PTPRA: variants seen among roughly 807,000 people sequenced by gnomAD.
The protein encoded by PTPRA is protein tyrosine phosphatase receptor type A.
In PTPRA, 25 loss-of-function variants were observed where a neutral mutation model predicts 104.8. The ratio of observed to expected loss-of-function variants is 0.24; its 90% CI spans 0.17 to 0.33. The LOEUF (loss-of-function observed/expected upper bound fraction) is 0.33, where lower values mean the gene tolerates loss of function less well. Among genes scored for constraint, PTPRA ranks in the 10% least tolerant of loss-of-function variants. The pLI is 1.00. For missense variants in PTPRA, 765 were observed against 1,015.3 expected, an observed-to-expected ratio of 0.75 and a Z score of 3.35; for synonymous variants, 323 against 368.9, an observed-to-expected ratio of 0.88 and a Z score of 1.43.
the PTPRA span, chr20:2,866,234 A>G: frequency 6.2e-7 from 1 of 1,613,904 alleles, no homozygotes; most frequent in South Asian, 1.1e-5. Context: ...ATCTGCATGA[A>G]ACAACATAAC....
chr20:2,941,950 A>G (rs2060940386), intron 2 of PTPRA, among the ~76,000 whole-genome samples: 1 of 151,762 alleles, frequency 6.6e-6, no homozygotes. Context: ...CACTTCTCCT[A>G]TTTGTCTGTG....
At chr20:2,935,938 G>C (rs371281545) in intron 2 of PTPRA, among the ~76,000 whole-genome samples, 7 of 152,042 alleles carry the variant, frequency 4.6e-5, no homozygotes, top group African/African-American at 1.7e-4. Flanking sequence ...AGAATCACTT[G>C]AACCCGGGAG....
intron 1 of PTPRA, among the ~76,000 whole-genome samples, chr20:2,909,799 AATAT>A (rs1481548997): frequency 1.5e-5 from 2 of 134,626 alleles, no homozygotes; most frequent in Non-Finnish European, 3.1e-5. Flanking sequence ...TATATTAGAT[AATAT>A]ATATAATATA....
At chr20:2,969,021 G>A (rs749558802) in intron 5 of PTPRA, among the ~76,000 whole-genome samples, 4 of 152,028 alleles carry the variant, frequency 2.6e-5, no homozygotes, top group African/African-American at 7.2e-5. Context: ...CAGCCTAGCC[G>A]ACATGGCAAA....
intron 6 of PTPRA, among the ~76,000 whole-genome samples, chr20:2,976,798 T>C (rs1295961892): frequency 6.6e-6 from 1 of 152,250 alleles, no homozygotes; most frequent in Admixed American, 6.5e-5. Context: ...ATCGGTTTGA[T>C]AAGCAGTTAT....
chr20:2,978,086 T>C (rs1205928388), intron 6 of PTPRA, among the ~76,000 whole-genome samples: 1 of 152,004 alleles, frequency 6.6e-6, no homozygotes, highest in Non-Finnish European at 1.5e-5. Flanking sequence ...TTGACATGTG[T>C]GAGGTGTGGG....
At chr20:2,945,255 T>G (rs1259519598) in intron 2 of PTPRA, among the ~76,000 whole-genome samples, 1 of 152,238 alleles carries the variant, frequency 6.6e-6, no homozygotes, top group African/African-American at 2.4e-5. Flanking sequence ...TGTTTCTTAC[T>G]GATTCTCATG....
intron 9 of PTPRA, among the ~76,000 whole-genome samples, chr20:3,001,254 A>T (rs1475581795): frequency 6.6e-6 from 1 of 152,172 alleles, no homozygotes; most frequent in African/African-American, 2.4e-5. Context: ...GAACCTTTGC[A>T]TCTAGCGCTG....
At chr20:2,891,939 T>C (rs2058808434) in intron 1 of PTPRA, among the ~76,000 whole-genome samples, 1 of 152,172 alleles carries the variant, frequency 6.6e-6, no homozygotes, top group South Asian at 2.1e-4. Context: ...TTGTTTCTTA[T>C]TTTATGGTTT....
chr20:3,036,875 A>T (rs559230587), intron 22 of PTPRA, among the ~76,000 whole-genome samples: 1 of 152,358 alleles, frequency 6.6e-6, no homozygotes, highest in Admixed American at 6.5e-5. Context: ...CTAGGCCAGC[A>T]TGTGCAGGTG....
chr20:2,989,833 C>A (rs530033420), intron 9 of PTPRA, among the ~76,000 whole-genome samples: 4 of 151,936 alleles, frequency 2.6e-5, no homozygotes, highest in African/African-American at 4.8e-5. Context: ...CTGGCTAACA[C>A]AGTGAAACCC....
At chr20:3,027,049 G>GGTT (rs755708702) in intron 18 of PTPRA, 72 bp from the exon 19 acceptor site, 8 of 1,390,812 alleles carry the variant, frequency 5.8e-6, no homozygotes, top group African/African-American at 2.5e-5. Flanking sequence ...CAGGGCCTGA[G>GGTT]GTGGGAGCAA....
intron 11 of PTPRA, among the ~76,000 whole-genome samples, chr20:3,014,344 A>C (rs911063487): frequency 3.9e-5 from 6 of 152,190 alleles, no homozygotes; most frequent in African/African-American, 1.4e-4. Context: ...TGAAATTGAA[A>C]GTGGCTCCTC....
intron 2 of PTPRA, among the ~76,000 whole-genome samples, chr20:2,926,769 C>CTTTTTTTTT (rs777386962): frequency 1.2e-5 from 1 of 85,020 alleles, no homozygotes; most frequent in Admixed American, 1.6e-4. Context: ...TTTCCTTTTC[C>CTTTTTTTTT]TTTTTTTTTT....
chr20:3,022,932 A>G lies in PTPRA; in HGVS notation c.1464+108A>G. 6.7e-7 allele frequency: 1 copy of G among 1,494,852 alleles called. No homozygotes were observed. Among genetic ancestry groups the G allele is most frequent in the Non-Finnish European group, 9.0e-7 (1 of 1,105,774 alleles). The allele number at this position is 1,494,852 out of a possible 1,614,324, so 92.6% of individuals were successfully genotyped here. A position where few individuals can be genotyped will look rare whatever the true frequency, so the allele number is the denominator to read the frequency against. Reference sequence around the variant, plus strand: ...AGGTTATTGTAAATGATTACTATAGAGTGTGATTGTGGGGGAAAGAAAGAT... The same window carrying G: ...AGGTTATTGTAAATGATTACTATAGGGTGTGATTGTGGGGGAAAGAAAGAT... On this transcript the variant is annotated intron_variant, in intron 16 of 23. Transcript: ENST00000399903. This position sits in a 1 kb window ranked among gnomAD's most constrained non-coding sequence, Gnocchi z 4.6.
chr20:2,869,662 G>T (rs1324061440), upstream of PTPRA, among the ~76,000 whole-genome samples: 1 of 152,222 alleles, frequency 6.6e-6, no homozygotes, highest in Non-Finnish European at 1.5e-5. Context: ...GTGGTAGCCA[G>T]TGCAGGGAGA....
intron 1 of PTPRA, among the ~76,000 whole-genome samples, chr20:2,906,206 G>T (rs2059423304): frequency 6.6e-6 from 1 of 152,118 alleles, no homozygotes; most frequent in Non-Finnish European, 1.5e-5. Context: ...CGTAATATTG[G>T]CAGGTGACAT....
chr20:2,939,505 C>G (rs1472291552), intron 2 of PTPRA, among the ~76,000 whole-genome samples: 1 of 152,160 alleles, frequency 6.6e-6, no homozygotes, highest in African/African-American at 2.4e-5. Context: ...ACCTCCTCCC[C>G]TTTTTTAGTT....
chr20:2,969,909 G>A (rs1435198203), intron 5 of PTPRA, among the ~76,000 whole-genome samples: 1 of 151,930 alleles, frequency 6.6e-6, no homozygotes, highest in East Asian at 2.0e-4. Context: ...GGTGGAGCTT[G>A]CAGTGAGCCG....
Sources: gnomAD v4.1 joint callset for allele counts (sites outside exome capture counted in the v4.1 genomes callset) on GRCh38, gnomAD v4.1.1 for gene constraint, Gnocchi (gnomAD v3.1) non-coding constraint, MANE v1.5 for transcripts, NCBI Gene and HGNC (gene_info 2026-07-23, HGNC 2026-07-21) for gene names.